The following DSCAM variants were observed in gnomAD, a reference collection of about 807,000 sequenced individuals.
The protein encoded by DSCAM is cell adhesion molecule DSCAM.
Under a neutral mutation model 217.7 loss-of-function variants are expected in DSCAM, and 47 were observed. The ratio of observed to expected loss-of-function variants is 0.22; its 90% CI spans 0.17 to 0.28. DSCAM has a LOEUF of 0.28. Ranked by LOEUF, DSCAM falls within the 10% of genes least tolerant of loss-of-function variation. DSCAM has a pLI of 1.00. For missense variants in DSCAM, 2,080 were observed against 2,618.3 expected, an observed-to-expected ratio of 0.79 and a Z score of 4.49; for synonymous variants, 1,056 against 1,015.3, an observed-to-expected ratio of 1.04 and a Z score of -0.76.
intron 9 of DSCAM, among the ~76,000 whole-genome samples, chr21:40,302,867 G>T (rs185790620): frequency 6.6e-6 from 1 of 152,116 alleles, no homozygotes; most frequent in Admixed American, 6.5e-5. Context: ...TTGGTGGGGG[G>T]TGGATTACTT....
intron 3 of DSCAM, among the ~76,000 whole-genome samples, chr21:40,440,820 C>T (rs2075623531): frequency 6.6e-6 from 1 of 151,940 alleles, no homozygotes; most frequent in African/African-American, 2.4e-5. Context: ...CATGAGGTTG[C>T]TGAGTGGATG....
intron 3 of DSCAM, among the ~76,000 whole-genome samples, chr21:40,431,337 G>A (rs982765509): frequency 2.6e-5 from 4 of 151,788 alleles, no homozygotes; most frequent in Non-Finnish European, 5.9e-5. Flanking sequence ...AGACAATGAG[G>A]ACAAAGACCT....
At chr21:40,445,355 GT>G (rs1194302033) in intron 3 of DSCAM, among the ~76,000 whole-genome samples, 1 of 152,156 alleles carries the variant, frequency 6.6e-6, no homozygotes, top group Non-Finnish European at 1.5e-5. Flanking sequence ...TGCAACATTG[GT>G]TCTGTTCTGT....
intron 5 of DSCAM, among the ~76,000 whole-genome samples, chr21:40,352,569 T>TA (rs2074643687): frequency 6.6e-6 from 1 of 152,072 alleles, no homozygotes; most frequent in South Asian, 2.1e-4. Flanking sequence ...TAAACAGGGT[T>TA]AGGGCTGGGT....
At chr21:40,819,237 GA>G (rs748846527) in intron 1 of DSCAM, among the ~76,000 whole-genome samples, 1 of 152,210 alleles carries the variant, frequency 6.6e-6, no homozygotes, top group Admixed American at 6.5e-5. Context: ...AGACTCAAGT[GA>G]CCAGAAAAAT....
intron 11 of DSCAM, among the ~76,000 whole-genome samples, chr21:40,209,169 ATGAAG>A (rs2091157154): frequency 6.6e-6 from 1 of 152,122 alleles, no homozygotes; most frequent in African/African-American, 2.4e-5. Flanking sequence ...GCCATGGTTG[ATGAAG>A]TGAAGTGCAC....
chr21:40,815,306 T>C (rs1471115291), intron 1 of DSCAM, among the ~76,000 whole-genome samples: 1 of 151,780 alleles, frequency 6.6e-6, no homozygotes. Context: ...CAAAGCTCAT[T>C]TGTTTCCACC....
intron 11 of DSCAM, among the ~76,000 whole-genome samples, chr21:40,258,945 G>A (rs2073410742): frequency 6.6e-6 from 1 of 152,168 alleles, no homozygotes; most frequent in Admixed American, 6.5e-5. Context: ...GTACTCTTGG[G>A]GCAAAACTGC....
intron 3 of DSCAM, among the ~76,000 whole-genome samples, chr21:40,594,460 G>C (rs532578341): frequency 2.7e-4 from 41 of 152,254 alleles, no homozygotes; most frequent in African/African-American, 9.9e-4. Context: ...TGTATTCTTT[G>C]AATCTCACTC....
rs2146717596 is a variant in DSCAM at position 40,144,182 on chromosome 21, G to A, written c.3259+309C>T. Among the ~76,000 whole-genome samples the A allele has an allele frequency of 6.6e-6, 1 of 152,368 alleles. No individual in the cohort carries two copies. Among genetic ancestry groups the A allele is most frequent in the South Asian group, 2.1e-4 (1 of 4,832 alleles). On this transcript the variant is annotated intron_variant, in intron 17 of 32. Transcript: ENST00000400454. The surrounding 1 kb of genome is among the most constrained non-coding windows in gnomAD (Gnocchi z 4.8). ...AAATAGCATTTCTGCATTCTCGTGA[G>A]ACTTCTGCAGTAATAGAGAGAGCCT...
intron 3 of DSCAM, among the ~76,000 whole-genome samples, chr21:40,657,722 T>A (rs920005553): frequency 6.6e-6 from 1 of 152,186 alleles, no homozygotes; most frequent in African/African-American, 2.4e-5. Flanking sequence ...ATTTCTAAAG[T>A]ACTGGTGGTA....
chr21:40,246,834 T>C (rs138728071), intron 11 of DSCAM, among the ~76,000 whole-genome samples: 3 of 152,280 alleles, frequency 2.0e-5, no homozygotes, highest in African/African-American at 7.2e-5. Context: ...GTCACCTATA[T>C]GTGGCCTTGG....
At chr21:40,457,607 C>G (rs987004344) in intron 3 of DSCAM, among the ~76,000 whole-genome samples, 1 of 152,016 alleles carries the variant, frequency 6.6e-6, no homozygotes, top group Non-Finnish European at 1.5e-5. Flanking sequence ...ATTATAAAAA[C>G]TAAAAACATC....
At chr21:40,443,830 A>T (rs1373559114) in intron 3 of DSCAM, among the ~76,000 whole-genome samples, 2 of 152,204 alleles carry the variant, frequency 1.3e-5, no homozygotes, top group African/African-American at 4.8e-5. Flanking sequence ...AGTTTTAATT[A>T]TTCTACCAGA....
chr21:40,429,514 T>A (rs545963152), intron 3 of DSCAM, among the ~76,000 whole-genome samples: 1 of 152,272 alleles, frequency 6.6e-6, no homozygotes, highest in South Asian at 2.1e-4. Context: ...GTGATCCACC[T>A]GCCTCAGCCT....
At chr21:40,247,467 A>C (rs925595664) in intron 11 of DSCAM, among the ~76,000 whole-genome samples, 3 of 152,228 alleles carry the variant, frequency 2.0e-5, no homozygotes, top group Non-Finnish European at 4.4e-5. Flanking sequence ...GGGAGAAATT[A>C]GCCAAAACAA....
intron 11 of DSCAM, among the ~76,000 whole-genome samples, chr21:40,267,877 CAA>C (rs141921393): frequency 0.077 from 11,720 of 151,526 alleles, 1,075 homozygotes; most frequent in East Asian, 0.21. Context: ...GCCTGGGAAA[CAA>C]GAGAGAAACT....
At chr21:40,253,028 T>C (rs1461571447) in intron 11 of DSCAM, among the ~76,000 whole-genome samples, 1 of 152,126 alleles carries the variant, frequency 6.6e-6, no homozygotes, top group Non-Finnish European at 1.5e-5. Flanking sequence ...GCTATTTAAT[T>C]GGGAAGTGAC....
chr21:40,134,132 C>A, intron 18 of DSCAM, 123 bp from the exon 19 acceptor site: 2 of 1,211,820 alleles, frequency 1.7e-6, no homozygotes, highest in Non-Finnish European at 1.1e-6. Context: ...CATCTGGACA[C>A]GAGAATTCTC....
Sources: allele counts gnomAD v4.1 joint callset (sites outside exome capture counted in the v4.1 genomes callset), GRCh38; gene constraint gnomAD v4.1.1; non-coding constraint Gnocchi (gnomAD v3.1); transcripts MANE v1.5; gene names NCBI Gene and HGNC (gene_info 2026-07-23, HGNC 2026-07-21).